Variants in TMEM51 observed in about 807,000 individuals in gnomAD.
TMEM51 encodes transmembrane protein 51.
TMEM51 carries 8 observed loss-of-function variants against 13.6 expected under a neutral mutation model. The ratio of observed to expected loss-of-function variants is 0.59; its 90% confidence interval spans 0.35 to 1.07. The LOEUF is 1.07. Among genes scored for constraint, TMEM51 ranks in the 50% least tolerant of loss-of-function variants. TMEM51 has a pLI of 0.02. For synonymous variants in TMEM51, 147 were observed against 144.4 expected, an observed-to-expected ratio of 1.02 and a Z score of -0.13; for missense variants, 279 against 330.7, an observed-to-expected ratio of 0.84 and a Z score of 1.21.
intron 1 of TMEM51, among the ~76,000 whole-genome samples, chr1:15,170,354 T>TA (rs1643210147): frequency 3.8e-5 from 3 of 78,846 alleles, no homozygotes; most frequent in African/African-American, 3.2e-5. Context: ...GGGTTTTTTT[T>TA]TATCTTTTTT....
intron 1 of TMEM51, among the ~76,000 whole-genome samples, chr1:15,179,731 A>C (rs1643558063): frequency 6.6e-6 from 1 of 152,216 alleles, no homozygotes; most frequent in South Asian, 2.1e-4. Flanking sequence ...GCAGTGAGCC[A>C]AGATCATGCC....
chr1:15,194,958 T>C (rs950663930), intron 1 of TMEM51, among the ~76,000 whole-genome samples: 1 of 147,280 alleles, frequency 6.8e-6, no homozygotes, highest in African/African-American at 2.5e-5. Context: ...GGTCTTGCTG[T>C]GTGTCACCCA....
At chr1:15,177,240 C>T (rs947983379) in intron 1 of TMEM51, among the ~76,000 whole-genome samples, 1 of 152,180 alleles carries the variant, frequency 6.6e-6, no homozygotes, top group Non-Finnish European at 1.5e-5. Flanking sequence ...AAATAACAAA[C>T]ACTTCACAGG....
intron 1 of TMEM51, chr1:15,168,548 C>T: frequency 1.5e-6 from 2 of 1,304,902 alleles, no homozygotes; most frequent in Non-Finnish European, 2.0e-6. Flanking sequence ...GATTTAACAG[C>T]ATAGGCTGTT....
intron 1 of TMEM51, among the ~76,000 whole-genome samples, chr1:15,204,431 G>A (rs555689700): frequency 2.1e-4 from 32 of 152,368 alleles, no homozygotes; most frequent in African/African-American, 7.5e-4. Context: ...GCGCACGCCT[G>A]TAATCCCAGC....
At chr1:15,200,574 C>T (rs963474052) in intron 1 of TMEM51, among the ~76,000 whole-genome samples, 2 of 152,006 alleles carry the variant, frequency 1.3e-5, no homozygotes, top group African/African-American at 4.8e-5. Flanking sequence ...CTTGGACTTC[C>T]AGCCTATAGA....
At chr1:15,198,964 G>A (rs549958653) in intron 1 of TMEM51, among the ~76,000 whole-genome samples, 9 of 152,228 alleles carry the variant, frequency 5.9e-5, no homozygotes, top group Non-Finnish European at 1.0e-4. Flanking sequence ...ACAGATTGAC[G>A]TGGCAGAGGG....
At chr1:15,214,458 C>A (rs1573451963) in intron 2 of TMEM51, among the ~76,000 whole-genome samples, 3 of 152,296 alleles carry the variant, frequency 2.0e-5, no homozygotes, top group Middle Eastern at 6.8e-3. Flanking sequence ...TGACAGTAGG[C>A]TGTTTGGCCT....
At chr1:15,195,965 G>T (rs78512576) in intron 1 of TMEM51, among the ~76,000 whole-genome samples, 1 of 152,170 alleles carries the variant, frequency 6.6e-6, no homozygotes, top group East Asian at 1.9e-4. Flanking sequence ...CTGCAACTCC[G>T]TGGCTTACTC....
At chr1:15,189,470 C>T (rs1438340238) in intron 1 of TMEM51, among the ~76,000 whole-genome samples, 1 of 152,086 alleles carries the variant, frequency 6.6e-6, no homozygotes, top group Admixed American at 6.5e-5. Flanking sequence ...CATTCCATGC[C>T]TAAACATTTG....
chr1:15,208,425 C>T (rs1244608620), intron 1 of TMEM51, among the ~76,000 whole-genome samples: 1 of 152,000 alleles, frequency 6.6e-6, no homozygotes, highest in Non-Finnish European at 1.5e-5. Context: ...GAGTTCAAGA[C>T]CAGCCTGGGC....
intron 1 of TMEM51, among the ~76,000 whole-genome samples, chr1:15,210,097 G>A (rs549095339): frequency 2.0e-5 from 3 of 152,260 alleles, no homozygotes; most frequent in African/African-American, 4.8e-5. Context: ...TCCATTTGCC[G>A]ATTTTTGTTT....
intron 1 of TMEM51, among the ~76,000 whole-genome samples, chr1:15,201,759 ACCACTTCTACAGAG>A (rs1644160269): frequency 6.6e-6 from 1 of 152,206 alleles, no homozygotes; most frequent in Admixed American, 6.5e-5. Flanking sequence ...AGGTTTGGGA[ACCACTTCTACAGAG>A]ACAGCATTGC....
intron 1 of TMEM51, among the ~76,000 whole-genome samples, chr1:15,206,280 G>A (rs1046794409): frequency 2.0e-5 from 3 of 150,842 alleles, no homozygotes; most frequent in Admixed American, 2.0e-4. Context: ...GAGGGGAGGG[G>A]AGGGAAGGGA....
chr1:15,178,315 C>G (rs745487319), intron 1 of TMEM51, among the ~76,000 whole-genome samples: 2 of 152,140 alleles, frequency 1.3e-5, no homozygotes, highest in African/African-American at 4.8e-5. Context: ...TCCCACCCCA[C>G]CTGTCTCTAT....
chr1:15,203,566 T>C (rs1053171207), intron 1 of TMEM51, among the ~76,000 whole-genome samples: 2 of 152,070 alleles, frequency 1.3e-5, no homozygotes, highest in Non-Finnish European at 2.9e-5. Context: ...TGGCCTGTTT[T>C]TAAAATCACT....
At position 15,219,079 on chromosome 1, in the gene TMEM51, TGTC is replaced by T. The variant is rs1209063693; in HGVS notation, c.345-246_345-244del. Among the ~76,000 whole-genome samples, 9 of 152,346 alleles carry T rather than the reference TGTC, an allele frequency of 5.9e-5. No homozygotes were observed. The East Asian group carries it at 1.7e-3, about 29-fold the overall frequency. On this transcript the variant is annotated intron_variant, in intron 3 of 3. Transcript: ENST00000376008. ...CCCCAATTTGGGGACTCACCTGTCC[TGTC>T]CTGCATGACTAGTACTTAACTCATA...
intron 1 of TMEM51, chr1:15,192,227 G>A (rs374638023): frequency 6.8e-5 from 24 of 351,070 alleles, no homozygotes; most frequent in South Asian, 6.2e-4. Context: ...TCTAAATCCA[G>A]AAAATCTGGT....
intron 1 of TMEM51, among the ~76,000 whole-genome samples, chr1:15,187,316 C>T (rs1036622751): frequency 1.3e-5 from 2 of 152,180 alleles, no homozygotes; most frequent in African/African-American, 4.8e-5. Flanking sequence ...CCACAGGTCC[C>T]CTGCACTTCT....
Sources: gnomAD v4.1 joint callset for allele counts (sites outside exome capture counted in the v4.1 genomes callset) on GRCh38, gnomAD v4.1.1 for gene constraint, MANE v1.5 for transcripts, NCBI Gene and HGNC (gene_info 2026-07-23, HGNC 2026-07-21) for gene names.